Variants in MAGI1 observed in about 807,000 individuals in gnomAD.
MAGI1 encodes the protein membrane-associated guanylate kinase, WW and PDZ domain-containing protein 1.
Under a neutral mutation model 139.9 loss-of-function variants are expected in MAGI1, and 58 were observed. That is an observed-to-expected ratio of 0.41 (90% CI 0.34 to 0.52). MAGI1 has a LOEUF of 0.52. Ranked by LOEUF, MAGI1 falls within the 20% of genes least tolerant of loss-of-function variation. The pLI, the probability that MAGI1 is intolerant of heterozygous loss-of-function variation, is 0.12. For missense variants in MAGI1, 1,874 were observed against 1,901.6 expected, an observed-to-expected ratio of 0.99 and a Z score of 0.27; for synonymous variants, 812 against 737.9, an observed-to-expected ratio of 1.10 and a Z score of -1.63.
At chr3:65,996,256 G>C (rs2066442406) in intron 1 of MAGI1, among the ~76,000 whole-genome samples, 1 of 152,108 alleles carries the variant, frequency 6.6e-6, no homozygotes, top group African/African-American at 2.4e-5. Context: ...ATGATACCAT[G>C]TATTTCAAGG....
intron 1 of MAGI1, among the ~76,000 whole-genome samples, chr3:65,793,560 C>T (rs918944179): frequency 6.6e-6 from 1 of 152,192 alleles, no homozygotes; most frequent in African/African-American, 2.4e-5. Context: ...TTGAGAGATA[C>T]TCTGGATAAA....
chr3:65,872,020 G>T (rs372281859), intron 1 of MAGI1, among the ~76,000 whole-genome samples: 1 of 152,066 alleles, frequency 6.6e-6, no homozygotes, highest in Non-Finnish European at 1.5e-5. Flanking sequence ...CAGAGTTCTC[G>T]CTCTACTAAC....
intron 1 of MAGI1, among the ~76,000 whole-genome samples, chr3:65,829,763 T>C (rs376521938): frequency 1.1e-3 from 172 of 152,348 alleles, no homozygotes; most frequent in African/African-American, 3.4e-3. Context: ...CTCTGAGCCA[T>C]TACTCTCAAA....
In MAGI1 at chr3:65,609,243, C is replaced by T. The variant is rs186900959; in HGVS notation, c.430+12729G>A. 1.3e-4 allele frequency among the ~76,000 whole-genome samples: 20 copies of T among 151,726 alleles called. 1 individual carries two copies. The East Asian group carries it at 3.5e-3, about 26-fold the overall frequency. On this transcript the variant is annotated intron_variant, in intron 2 of 22. Coordinates refer to ENST00000402939, the MANE Select transcript of MAGI1 (RefSeq NM_001033057.2). Reference sequence around the variant, plus strand: ...ATGCAGTTAAGATTTTTATAACTTGCTATATTTATTTCATCTCTATCTCTC... The same window carrying T: ...ATGCAGTTAAGATTTTTATAACTTGTTATATTTATTTCATCTCTATCTCTC...
intron 2 of MAGI1, among the ~76,000 whole-genome samples, chr3:65,587,038 ACTATT>A (rs2081716931): frequency 6.6e-6 from 1 of 152,186 alleles, no homozygotes; most frequent in Non-Finnish European, 1.5e-5. Context: ...GAGATCCCTA[ACTATT>A]GCTGTGTGAG....
chr3:65,463,990 T>C (rs912039325), intron 5 of MAGI1, among the ~76,000 whole-genome samples: 1 of 152,216 alleles, frequency 6.6e-6, no homozygotes. Context: ...TATCATTTTT[T>C]ATTGTGTTTA....
chr3:65,784,705 A>C (rs1006565538), intron 1 of MAGI1, among the ~76,000 whole-genome samples: 1 of 67,632 alleles, frequency 1.5e-5, no homozygotes, highest in African/African-American at 6.7e-5. Flanking sequence ...ACTCCGTCTC[A>C]ACAACAACAA....
intron 10 of MAGI1, among the ~76,000 whole-genome samples, chr3:65,433,488 T>C (rs1156710516): frequency 1.3e-5 from 2 of 152,156 alleles, no homozygotes; most frequent in African/African-American, 4.8e-5. Context: ...TTTTTACGTA[T>C]GGGTGGATCA....
At chr3:65,748,848 T>C (rs189648720) in intron 1 of MAGI1, among the ~76,000 whole-genome samples, 1 of 152,174 alleles carries the variant, frequency 6.6e-6, no homozygotes, top group Admixed American at 6.5e-5. Context: ...CAGTGGGGTA[T>C]ACAGCACTTA....
intron 1 of MAGI1, chr3:65,907,711 G>A (rs1300000361): frequency 6.6e-6 from 1 of 152,102 alleles, no homozygotes; most frequent in Non-Finnish European, 1.5e-5. Context: ...CTCCCTCTAG[G>A]TGACTTCACA....
intron 1 of MAGI1, among the ~76,000 whole-genome samples, chr3:65,886,911 C>A (rs1041108922): frequency 1.3e-5 from 2 of 152,048 alleles, no homozygotes; most frequent in Non-Finnish European, 2.9e-5. Context: ...CCTACCTGAT[C>A]CTACACATCT....
At chr3:65,859,194 A>G (rs1319507365) in intron 1 of MAGI1, among the ~76,000 whole-genome samples, 1 of 152,042 alleles carries the variant, frequency 6.6e-6, no homozygotes, top group Non-Finnish European at 1.5e-5. Flanking sequence ...CTAGCTGGGC[A>G]TGGTGGCGCA....
chr3:65,846,491 CAG>C (rs2059000242), intron 1 of MAGI1, among the ~76,000 whole-genome samples: 2 of 152,154 alleles, frequency 1.3e-5, no homozygotes, highest in Non-Finnish European at 2.9e-5. Flanking sequence ...CTAGATCTTC[CAG>C]AGTGTTATAG....
intron 1 of MAGI1, among the ~76,000 whole-genome samples, chr3:66,025,457 T>A (rs1164462158): frequency 6.6e-6 from 1 of 152,140 alleles, no homozygotes; most frequent in Non-Finnish European, 1.5e-5. Context: ...GGAAGATCGC[T>A]TGAGCCCAGG....
At chr3:65,537,872 C>T (rs2079032487) in intron 2 of MAGI1, among the ~76,000 whole-genome samples, 1 of 152,176 alleles carries the variant, frequency 6.6e-6, no homozygotes, top group African/African-American at 2.4e-5. Flanking sequence ...AATCCCAACA[C>T]TTTGAGAGGC....
chr3:65,693,858 G>C (rs2088905362), intron 1 of MAGI1, among the ~76,000 whole-genome samples: 1 of 151,794 alleles, frequency 6.6e-6, no homozygotes, highest in African/African-American at 2.4e-5. Context: ...GAGCAGCTGG[G>C]ATTACAGGCG....
intron 2 of MAGI1, among the ~76,000 whole-genome samples, chr3:65,588,427 A>T (rs1335777847): frequency 6.6e-6 from 1 of 152,196 alleles, no homozygotes; most frequent in Non-Finnish European, 1.5e-5. Flanking sequence ...CTGACCAAAG[A>T]TGACAAACTA....
At chr3:65,512,976 T>C (rs1304935960) in intron 2 of MAGI1, among the ~76,000 whole-genome samples, 1 of 129,000 alleles carries the variant, frequency 7.8e-6, no homozygotes, top group Non-Finnish European at 1.6e-5. Flanking sequence ...GTGGGCTTCA[T>C]CCCTGGGATG....
intron 5 of MAGI1, among the ~76,000 whole-genome samples, chr3:65,462,123 C>A (rs1038371294): frequency 1.3e-5 from 2 of 152,200 alleles, no homozygotes; most frequent in East Asian, 3.9e-4. Context: ...TTTAGCTTAA[C>A]TAGATCCCAT....
Sources: gnomAD v4.1 joint callset for allele counts (sites outside exome capture counted in the v4.1 genomes callset) on GRCh38, gnomAD v4.1.1 for gene constraint, MANE v1.5 for transcripts, NCBI Gene and HGNC (gene_info 2026-07-23, HGNC 2026-07-21) for gene names.